The following ANTXRL variants were observed in gnomAD, a reference collection of about 807,000 sequenced individuals.
ANTXRL encodes the protein anthrax toxin receptor-like.
Under a neutral mutation model 75.4 loss-of-function variants are expected in ANTXRL, and 63 were observed. That is an observed-to-expected ratio of 0.84 (90% CI 0.68 to 1.03). The LOEUF (loss-of-function observed/expected upper bound fraction) is 1.03. ANTXRL is among the 50% of genes least tolerant of loss of function. The pLI is 0.00. For synonymous variants in ANTXRL, 335 were observed against 291.3 expected (o/e 1.15, Z -1.53); for missense variants, 797 against 789.4 (o/e 1.01, Z -0.12).
intron 10 of ANTXRL, among the ~76,000 whole-genome samples, chr10:46,303,025 C>T (rs1837850340): frequency 6.6e-6 from 1 of 152,126 alleles, no homozygotes; most frequent in African/African-American, 2.4e-5. Flanking sequence ...ACAAATCCAT[C>T]TGTGCCTCAA....
intron 13 of ANTXRL, among the ~76,000 whole-genome samples, chr10:46,309,480 A>T (rs1378922000): frequency 6.6e-6 from 1 of 152,192 alleles, no homozygotes; most frequent in Non-Finnish European, 1.5e-5. Flanking sequence ...CCTAGAGAGA[A>T]GTGACCCCAG....
intron 9 of ANTXRL, 120 bp from the exon 10 acceptor site, chr10:46,302,602 T>C (rs1837821689): frequency 2.9e-6 from 2 of 692,866 alleles, no homozygotes; most frequent in Non-Finnish European, 2.5e-6. Flanking sequence ...GACACAGCTC[T>C]TTCCTTACAG....
At position 46,297,394 on chromosome 10, in the gene ANTXRL, T is replaced by G; in HGVS notation, c.586-12T>G. Reference sequence around the variant, plus strand: ...TTTTGATGACCAATATGCAATGCCTTCTTTCCCTTAGGCTCAAAAGGCTCG... The same window carrying G: ...TTTTGATGACCAATATGCAATGCCTGCTTTCCCTTAGGCTCAAAAGGCTCG... On this transcript the variant is annotated splice_polypyrimidine_tract_variant and intron_variant, in intron 6 of 16. Transcript: ENST00000620264. The G allele has an allele frequency of 6.5e-7, 1 of 1,536,090 alleles. No homozygotes were observed. The highest frequency in any genetic ancestry group is 8.7e-7 in the Non-Finnish European group (1 of 1,146,794).
intron 12 of ANTXRL, among the ~76,000 whole-genome samples, chr10:46,307,840 G>A (rs782437909): frequency 1.3e-5 from 2 of 152,118 alleles, no homozygotes; most frequent in Non-Finnish European, 1.5e-5. Context: ...GTCACTTGCT[G>A]TCATTTCCCA....
At chr10:46,309,918 G>A (rs1838323072) in intron 13 of ANTXRL, among the ~76,000 whole-genome samples, 1 of 152,164 alleles carries the variant, frequency 6.6e-6, no homozygotes, top group Non-Finnish European at 1.5e-5. Flanking sequence ...GATGGAAGGG[G>A]TGCTGGGAGC....
intron 16 of ANTXRL, among the ~76,000 whole-genome samples, chr10:46,326,731 C>A (rs1839231578): frequency 6.6e-6 from 1 of 152,104 alleles, no homozygotes; most frequent in Non-Finnish European, 1.5e-5. Flanking sequence ...GACCTGCACT[C>A]TGGGTCCAGT....
chr10:46,313,249 C>G lies in ANTXRL; in HGVS notation c.1343C>G (p.Thr448Ser), dbSNP rs190568406. Residue 448 changes from threonine to serine, a missense_variant, in exon 16 of 17, where the codon ACC becomes AGC. Around this residue, in one of 3 missense-constraint regions of ANTXRL, gnomAD observed 479 missense variants for 422.0 expected, o/e 1.14. Transcript: ENST00000620264. The stretch of plus-strand genomic sequence containing the variant: ...GTTGCTTTTCAGGGCAATCTGGATA[C>G]CTTTTGTGACCTCTCTCACGCAAGC... ...GMRRIEGNLD[T>S]FCDLSHASCH... 1 of 1,535,440 alleles carries G rather than the reference C, an allele frequency of 6.5e-7. No homozygotes were observed. The highest frequency in any genetic ancestry group is 8.7e-7 in the Non-Finnish European group (1 of 1,146,316).
At chr10:46,307,748 G>A (rs1415715697) in intron 12 of ANTXRL, among the ~76,000 whole-genome samples, 2 of 152,134 alleles carry the variant, frequency 1.3e-5, no homozygotes, top group African/African-American at 4.8e-5. Context: ...GTCAGGGTAT[G>A]TGTGTGCTGC....
chr10:46,293,340 G>A (rs1162245039), intron 2 of ANTXRL, among the ~76,000 whole-genome samples: 1 of 149,814 alleles, frequency 6.7e-6, no homozygotes, highest in African/African-American at 2.5e-5. Context: ...GTGTGTGCGT[G>A]TGTGCGTGCA....
chr10:46,326,556 G>A (rs1417755408), intron 16 of ANTXRL, among the ~76,000 whole-genome samples: 2 of 152,100 alleles, frequency 1.3e-5, no homozygotes, highest in South Asian at 4.1e-4. Flanking sequence ...AAGGTTGGGG[G>A]CTGAGGCCTG....
chr10:46,304,751 C>T (rs1837969445), intron 10 of ANTXRL, among the ~76,000 whole-genome samples: 1 of 152,160 alleles, frequency 6.6e-6, no homozygotes. Context: ...TGCCCAGGGC[C>T]ATACAGTCCA....
intron 5 of ANTXRL, among the ~76,000 whole-genome samples, chr10:46,296,885 A>G (rs1161232375): frequency 6.6e-6 from 1 of 152,128 alleles, no homozygotes; most frequent in Non-Finnish European, 1.5e-5. Context: ...AGGGCCCAGC[A>G]GCTCCTCCCT....
intron 16 of ANTXRL, among the ~76,000 whole-genome samples, chr10:46,317,403 G>A (rs1319165708): frequency 6.6e-6 from 1 of 152,084 alleles, no homozygotes; most frequent in Non-Finnish European, 1.5e-5. Context: ...TTCTAAATTC[G>A]TACTCATGTT....
chr10:46,294,153 C>T (rs1318559194), intron 3 of ANTXRL: 1 of 522,242 alleles, frequency 1.9e-6, no homozygotes. Flanking sequence ...GCTCCCCTGC[C>T]CTCTCTCCGC....
At position 46,302,772 on chromosome 10, in the gene ANTXRL, C is replaced by T. The variant is rs184963887; in HGVS notation, c.847C>T (p.Arg283Trp). Reference protein sequence around the residue: ...HGNGFQNLKKRDEVICRFIFN... With the variant: ...HGNGFQNLKKWDEVICRFIFN... ...AAATGGCTTTCAGAATCTAAAGAAA[C>T]GGGATGAAGTTATTTGCAGATTTAT... Residue 283 changes from arginine (R) to tryptophan (W), a missense_variant, in exon 10 of 17, where the codon CGG (arginine) becomes TGG (tryptophan). Physicochemically the swap from Arg to Trp is moderately radical, Grantham distance 101. Transcript: ENST00000620264. The T allele has an allele frequency of 3.8e-5, 58 of 1,536,298 alleles. No homozygotes were observed. Among genetic ancestry groups the T allele is most frequent in the African/African-American group, 1.9e-4 (14 of 73,104 alleles).
chr10:46,323,786 G>GT (rs1329389061), intron 16 of ANTXRL, among the ~76,000 whole-genome samples: 1 of 152,082 alleles, frequency 6.6e-6, no homozygotes, highest in African/African-American at 2.4e-5. Context: ...TCCTAAAGCT[G>GT]GAGGCTGTCA....
intron 9 of ANTXRL, among the ~76,000 whole-genome samples, chr10:46,299,458 T>A (rs1172947810): frequency 6.6e-6 from 1 of 152,112 alleles, no homozygotes; most frequent in Non-Finnish European, 1.5e-5. Context: ...GAGCTCTTTC[T>A]GTGTAGGCTG....
At chr10:46,312,015 C>T (rs1244923725) in intron 15 of ANTXRL, among the ~76,000 whole-genome samples, 1 of 146,424 alleles carries the variant, frequency 6.8e-6, no homozygotes, top group Non-Finnish European at 1.5e-5. Context: ...TGGCTTTAGA[C>T]CACTTGCCTG....
At chr10:46,327,754 A>G (rs1281655280) in intron 16 of ANTXRL, among the ~76,000 whole-genome samples, 3 of 152,096 alleles carry the variant, frequency 2.0e-5, no homozygotes, top group Non-Finnish European at 2.9e-5. Flanking sequence ...ACCTGTGAGG[A>G]ATGGAGCGTT....
Sources: allele counts gnomAD v4.1 joint callset (sites outside exome capture counted in the v4.1 genomes callset), GRCh38; gene constraint gnomAD v4.1.1; regional missense constraint gnomAD v4.1.1; transcripts MANE v1.5; gene names NCBI Gene and HGNC (gene_info 2026-07-23, HGNC 2026-07-21).